BCAS3: variants seen among roughly 807,000 people sequenced by gnomAD.
BCAS3 encodes the protein BCAS4/BCAS3 fusion.
A neutral mutation model predicts 116.1 loss-of-function variants in BCAS3; 53 were observed. The observed-to-expected ratio is 0.46, with a 90% confidence interval of 0.37 to 0.57. The LOEUF (loss-of-function observed/expected upper bound fraction) is 0.57, where lower values mean the gene tolerates loss of function less well. BCAS3 is among the 20% of genes least tolerant of loss of function. The probability of loss-of-function intolerance (pLI) is 0.00; values close to 1 mark genes in which losing one functional copy is unlikely to be tolerated. For synonymous variants in BCAS3, 391 were observed against 408.2 expected (o/e 0.96, Z 0.51); for missense variants, 917 against 1,165.4 (o/e 0.79, Z 3.10).
intron 7 of BCAS3, among the ~76,000 whole-genome samples, chr17:60,863,159 G>A (rs1049342817): frequency 6.6e-6 from 1 of 151,990 alleles, no homozygotes; most frequent in Non-Finnish European, 1.5e-5. Flanking sequence ...TTCCAAAAAT[G>A]ATCTTTTCAT....
Position 60,910,529 on chromosome 17 carries a change from C to A in BCAS3, c.823-3C>A. 1 of 1,599,182 alleles carries A rather than the reference C, an allele frequency of 6.3e-7. No homozygotes were observed. The highest frequency in any genetic ancestry group is 1.1e-5 in the South Asian group (1 of 88,692). On this transcript the variant is annotated splice_polypyrimidine_tract_variant and splice_region_variant and intron_variant, in intron 11 of 23. Transcript: ENST00000407086. Reference sequence around the variant, plus strand: ...GTCATACATTTTACCTTTCATTGTACAGACATTGAAAAGTGGCCTGACAAT... The same window carrying A: ...GTCATACATTTTACCTTTCATTGTAAAGACATTGAAAAGTGGCCTGACAAT...
In BCAS3 at chr17:61,205,120, A is replaced by T. The variant is rs1044579941; in HGVS notation, c.2425+120556A>T. On this transcript the variant is annotated intron_variant, in intron 22 of 23. Coordinates refer to ENST00000407086, the MANE Select transcript of BCAS3 (RefSeq NM_017679.5). The surrounding 1 kb of genome is among the most constrained non-coding windows in gnomAD (Gnocchi z 5.2). ...TAACTTTTGGTCCACACTAAGTAAG[A>T]AGTATTATTTTTCTCATTTCTACCT... 6.6e-6 allele frequency among the ~76,000 whole-genome samples: 1 copy of T among 152,178 alleles called. No homozygotes were observed. The highest frequency in any genetic ancestry group is 1.5e-5 in the Non-Finnish European group (1 of 68,034).
In BCAS3 at chr17:61,065,174, G is replaced by A. The variant is rs1003243549; in HGVS notation, c.2030-9746G>A. ...GAATCATTAAATCTCCAATTACTAC[G>A]ATTTAAATATGTTTGTTGGATATTA... On this transcript the variant is annotated intron_variant, in intron 19 of 23. Transcript: ENST00000407086. The surrounding 1 kb of genome is among the most constrained non-coding windows in gnomAD (Gnocchi z 4.8). 3.3e-5 allele frequency among the ~76,000 whole-genome samples: 5 copies of A among 152,004 alleles called. No homozygotes were observed. The highest frequency in any genetic ancestry group is 2.0e-4 in the Admixed American group (3 of 15,250).
intron 5 of BCAS3, among the ~76,000 whole-genome samples, chr17:60,725,364 C>G (rs1200183789): frequency 6.6e-6 from 1 of 152,206 alleles, no homozygotes; most frequent in Non-Finnish European, 1.5e-5. Context: ...TATTTCCACT[C>G]TAGCCCTTCT....
rs759146664 is a variant in BCAS3 at position 61,365,614 on chromosome 17, G to A, written c.2426-2713G>A. 5.9e-5 allele frequency among the ~76,000 whole-genome samples: 9 copies of A among 152,194 alleles called. No individual in the cohort carries two copies. The highest frequency in any genetic ancestry group is 2.6e-4 in the Admixed American group (4 of 15,298). ...CTCCCAAAGTGCTGGGATTACAGGC[G>A]TGAGCCACCGTGCCTGGCCCAATTT... On this transcript the variant is annotated intron_variant, in intron 22 of 23. Coordinates refer to ENST00000407086, the MANE Select transcript of BCAS3 (RefSeq NM_017679.5). The surrounding 1 kb of genome is among the most constrained non-coding windows in gnomAD (Gnocchi z 4.6).
chr17:60,943,824 A>G (rs2060345193), intron 13 of BCAS3, among the ~76,000 whole-genome samples: 1 of 152,158 alleles, frequency 6.6e-6, no homozygotes, highest in South Asian at 2.1e-4. Flanking sequence ...TATACTGGCA[A>G]TAATATCTGA....
intron 22 of BCAS3, among the ~76,000 whole-genome samples, chr17:61,137,369 G>A (rs566177135): frequency 6.6e-6 from 1 of 152,266 alleles, no homozygotes; most frequent in East Asian, 1.9e-4. Context: ...GCCACATAAT[G>A]AATTTCTTGA....
chr17:60,916,666 C>T (rs955376047), intron 12 of BCAS3, among the ~76,000 whole-genome samples: 7 of 152,012 alleles, frequency 4.6e-5, no homozygotes, highest in African/African-American at 1.4e-4. Context: ...GTAAGAAATA[C>T]TTAATATTTT....
chr17:60,851,030 C>T (rs953507510), intron 7 of BCAS3, among the ~76,000 whole-genome samples: 4 of 152,050 alleles, frequency 2.6e-5, no homozygotes, highest in African/African-American at 7.3e-5. Context: ...TGAGTTTTGG[C>T]GATGACCTCT....
intron 5 of BCAS3, among the ~76,000 whole-genome samples, chr17:60,740,576 C>T (rs560925388): frequency 6.0e-5 from 9 of 150,792 alleles, no homozygotes; most frequent in South Asian, 4.2e-4. Context: ...GTAAATGGGA[C>T]GTTAGTAATT....
intron 7 of BCAS3, among the ~76,000 whole-genome samples, chr17:60,826,211 T>A (rs748788544): frequency 3.3e-5 from 5 of 151,954 alleles, no homozygotes; most frequent in Non-Finnish European, 5.9e-5. Context: ...TGAGACAGAG[T>A]GTCGCTCTGT....
At chr17:61,070,499 C>T (rs2071323150) in intron 19 of BCAS3, 1 of 173,840 alleles carries the variant, frequency 5.8e-6, no homozygotes, top group Non-Finnish European at 1.2e-5. Flanking sequence ...ATGTATAGTT[C>T]TATTTGTGTA....
At chr17:60,778,173 T>A in intron 6 of BCAS3, among the ~76,000 whole-genome samples, 1 of 148,828 alleles carries the variant, frequency 6.7e-6, no homozygotes, top group Admixed American at 6.7e-5. Context: ...CCAATTATCT[T>A]TTTTTTTTTA....
At chr17:61,270,370 G>T (rs1332832891) in intron 22 of BCAS3, among the ~76,000 whole-genome samples, 1 of 150,670 alleles carries the variant, frequency 6.6e-6, no homozygotes, top group Non-Finnish European at 1.5e-5. Flanking sequence ...TGATCTGCCT[G>T]CCTCGGCCTC....
In BCAS3 at chr17:61,261,088, C is replaced by T. The variant is rs534905057; in HGVS notation, c.2426-107239C>T. On this transcript the variant is annotated intron_variant, in intron 22 of 23. Coordinates refer to ENST00000407086, the MANE Select transcript of BCAS3 (RefSeq NM_017679.5). The surrounding 1 kb of genome is among the most constrained non-coding windows in gnomAD (Gnocchi z 4.4). ...TCAAACGCATTTATCTAATTTGACA[C>T]ATTTTGCCTGGAAGTCATAGAAGAA... Among the ~76,000 whole-genome samples the T allele has an allele frequency of 2.2e-4, 33 of 152,294 alleles. No individual in the cohort carries two copies. The highest frequency in any genetic ancestry group is 7.9e-4 in the African/African-American group (33 of 41,564).
Position 61,198,927 on chromosome 17 carries a change from A to T in BCAS3, c.2425+114363A>T, listed in dbSNP as rs371637532. On this transcript the variant is annotated intron_variant, in intron 22 of 23. Transcript: ENST00000407086. This position sits in a 1 kb window ranked among gnomAD's most constrained non-coding sequence, Gnocchi z 5.0. Reference sequence around the variant, plus strand: ...AGATAATGATACTTAGAAATCACTGATTGTTCCTTGATGATGAATGCCTTT... The same window carrying T: ...AGATAATGATACTTAGAAATCACTGTTTGTTCCTTGATGATGAATGCCTTT... Among the ~76,000 whole-genome samples the T allele has an allele frequency of 1.3e-5, 2 of 152,286 alleles. No individual in the cohort carries two copies. Among genetic ancestry groups the T allele is most frequent in the East Asian group, 3.9e-4 (2 of 5,188 alleles).
chr17:61,191,622 A>G (rs2080122911), intron 22 of BCAS3, among the ~76,000 whole-genome samples: 1 of 151,756 alleles, frequency 6.6e-6, no homozygotes, highest in African/African-American at 2.4e-5. Flanking sequence ...AAAAATACAA[A>G]AAATTAGACA....
At chr17:60,693,180 C>T (rs1238193748) in intron 4 of BCAS3, among the ~76,000 whole-genome samples, 1 of 151,768 alleles carries the variant, frequency 6.6e-6, no homozygotes, top group Admixed American at 6.6e-5. Context: ...TGATTTATAC[C>T]CAGGCTTGTT....
At chr17:61,221,123 A>G (rs774562371) in intron 22 of BCAS3, among the ~76,000 whole-genome samples, 1 of 152,226 alleles carries the variant, frequency 6.6e-6, no homozygotes, top group Non-Finnish European at 1.5e-5. Context: ...AGTGTGGTTC[A>G]TAGTAGAATC....
Sources: gnomAD v4.1 joint callset for allele counts (sites outside exome capture counted in the v4.1 genomes callset) on GRCh38, gnomAD v4.1.1 for gene constraint, Gnocchi (gnomAD v3.1) non-coding constraint, MANE v1.5 for transcripts, NCBI Gene and HGNC (gene_info 2026-07-23, HGNC 2026-07-21) for gene names.